Variants in AGPAT3 observed in about 807,000 individuals in gnomAD.
AGPAT3 encodes the protein 1-acylglycerol-3-phosphate O-acyltransferase 3.
Under a neutral mutation model 47.3 loss-of-function variants are expected in AGPAT3, and 5 were observed. That is an observed-to-expected ratio of 0.11 (90% CI 0.06 to 0.22). The LOEUF (loss-of-function observed/expected upper bound fraction) is 0.22, where lower values mean the gene tolerates loss of function less well. Among genes scored for constraint, AGPAT3 ranks in the 10% least tolerant of loss-of-function variants. The probability of loss-of-function intolerance (pLI) is 1.00; values close to 1 mark genes in which losing one functional copy is unlikely to be tolerated. For missense variants in AGPAT3, 315 were observed against 493.0 expected, an observed-to-expected ratio of 0.64 and a Z score of 3.42; for synonymous variants, 212 against 208.3, an observed-to-expected ratio of 1.02 and a Z score of -0.15.
chr21:43,907,866 A>G (rs2086540157), intron 2 of AGPAT3, among the ~76,000 whole-genome samples: 1 of 152,192 alleles, frequency 6.6e-6, no homozygotes, highest in South Asian at 2.1e-4. Context: ...AACCCAGCAG[A>G]CCGATACCAT....
At position 43,933,163 on chromosome 21, in the gene AGPAT3, A is replaced by G. The variant is rs2146296052; in HGVS notation, c.-48-26471A>G. Reference sequence around the variant, plus strand: ...ATTTGCTTCTCCCTGATGGTTAATAATGCCGAACAGCTCTTCGTTAACCTG... The same window carrying G: ...ATTTGCTTCTCCCTGATGGTTAATAGTGCCGAACAGCTCTTCGTTAACCTG... On this transcript the variant is annotated intron_variant, in intron 2 of 9. Coordinates refer to ENST00000291572, the MANE Select transcript of AGPAT3 (RefSeq NM_020132.5). The surrounding 1 kb of genome is among the most constrained non-coding windows in gnomAD (Gnocchi z 6.0). Among the ~76,000 whole-genome samples the G allele has an allele frequency of 6.6e-6, 1 of 152,300 alleles. No individual in the cohort carries two copies. The highest frequency in any genetic ancestry group is 2.1e-4 in the South Asian group (1 of 4,816).
At chr21:43,923,283 G>A (rs984964025) in intron 2 of AGPAT3, among the ~76,000 whole-genome samples, 3 of 152,188 alleles carry the variant, frequency 2.0e-5, no homozygotes, top group Admixed American at 1.3e-4. Flanking sequence ...TCATGCACTC[G>A]GGGACCGGGC....
At chr21:43,926,329 C>T (rs1412661657) in intron 2 of AGPAT3, among the ~76,000 whole-genome samples, 1 of 152,202 alleles carries the variant, frequency 6.6e-6, no homozygotes, top group Non-Finnish European at 1.5e-5. Flanking sequence ...CTCTGCCGTC[C>T]TTGGCTGAAC....
Position 43,922,925 on chromosome 21 carries a change from C to T in AGPAT3, c.-49+18906C>T, listed in dbSNP as rs2086936799. On this transcript the variant is annotated intron_variant, in intron 2 of 9. Coordinates refer to ENST00000291572, the MANE Select transcript of AGPAT3 (RefSeq NM_020132.5). The surrounding 1 kb of genome is among the most constrained non-coding windows in gnomAD (Gnocchi z 4.9). ...CTGGGCATGGGGCGCCTGTCCCCAG[C>T]GGGGCGGGCTCTGGGGTGCGAGCGT... 6.6e-6 allele frequency among the ~76,000 whole-genome samples: 1 copy of T among 152,202 alleles called. No individual in the cohort carries two copies. Among genetic ancestry groups the T allele is most frequent in the African/African-American group, 2.4e-5 (1 of 41,454 alleles).
At position 43,922,339 on chromosome 21, in the gene AGPAT3, C is replaced by A. The variant is rs1187025761; in HGVS notation, c.-49+18320C>A. On this transcript the variant is annotated intron_variant, in intron 2 of 9. Transcript: ENST00000291572. The surrounding 1 kb of genome is among the most constrained non-coding windows in gnomAD (Gnocchi z 4.9). ...AACAGGAAGCGTGGGGGGAAGCGTG[C>A]GTGCGAAGGAGTGCAGCCCCCAGGA... is the stretch of plus-strand genomic sequence containing the variant. Among the ~76,000 whole-genome samples the A allele has an allele frequency of 6.6e-6, 1 of 152,150 alleles. No individual in the cohort carries two copies. Among genetic ancestry groups the A allele is most frequent in the Non-Finnish European group, 1.5e-5 (1 of 68,022 alleles).
chr21:43,975,068 T>TATGTGCTGGCATGTTGC (rs946415801), intron 7 of AGPAT3, among the ~76,000 whole-genome samples: 18 of 152,066 alleles, frequency 1.2e-4, no homozygotes, highest in African/African-American at 4.1e-4. Flanking sequence ...ATGTGATGTG[T>TATGTGCTGGCATGTTGC]ATGTGCTGGC....
chr21:43,928,334 A>C (rs2087125650), intron 2 of AGPAT3, among the ~76,000 whole-genome samples: 2 of 152,210 alleles, frequency 1.3e-5, no homozygotes, highest in South Asian at 4.1e-4. Flanking sequence ...AGCGTTAAGG[A>C]ATATACACAC....
chr21:43,867,977 G>A (rs1196049560), intron 1 of AGPAT3, among the ~76,000 whole-genome samples: 1 of 152,206 alleles, frequency 6.6e-6, no homozygotes, highest in African/African-American at 2.4e-5. Flanking sequence ...ATAATTTCAA[G>A]ATTGATTCTA....
At chr21:43,887,711 G>A (rs866861916) in intron 1 of AGPAT3, among the ~76,000 whole-genome samples, 3 of 152,374 alleles carry the variant, frequency 2.0e-5, no homozygotes, top group South Asian at 4.1e-4. Context: ...CTGGAGTGTA[G>A]TGGCGTGATC....
At position 43,986,957 on chromosome 21, in the gene AGPAT3, G is replaced by A. The variant is rs2030361207; in HGVS notation, c.*4565G>A. ...AGGGCTGCTAACTTACACTTCAGAG[G>A]CCTGTGTCCCAAAGGCCTGGCTGCG... On this transcript the variant is annotated 3_prime_UTR_variant, in exon 10 of 10. Coordinates refer to ENST00000291572, the MANE Select transcript of AGPAT3 (RefSeq NM_020132.5). Among the ~76,000 whole-genome samples the A allele has an allele frequency of 6.6e-6, 1 of 152,208 alleles. No individual in the cohort carries two copies. The highest frequency in any genetic ancestry group is 1.9e-4 in the East Asian group (1 of 5,204).
Position 43,978,118 on chromosome 21 carries a change from G to C in AGPAT3, c.840G>C (p.Glu280Asp). ...AGTGGCTTCATAAACTGTACCAGGA[G>C]AAGGTAAGCAGGCTCTGCTCCCGCT... ...AAQWLHKLYQ[E>D]KDALQEIYNQ... The change falls in exon 8 of 10, where the codon GAG becomes GAC. Residue 280 changes from glutamate (E) to aspartate (D), a missense_variant. Coordinates refer to ENST00000291572, the MANE Select transcript of AGPAT3 (RefSeq NM_020132.5). 6.2e-7 allele frequency: 1 copy of C among 1,613,264 alleles called. No homozygotes were observed. Among genetic ancestry groups the C allele is most frequent in the Non-Finnish European group, 8.5e-7 (1 of 1,179,852 alleles).
chr21:43,927,413 A>ATT (rs2087093729), intron 2 of AGPAT3, among the ~76,000 whole-genome samples: 2 of 152,050 alleles, frequency 1.3e-5, no homozygotes, highest in Non-Finnish European at 2.9e-5. Flanking sequence ...CCAGGCTGTG[A>ATT]GGCTATCAGG....
chr21:43,981,224 G>A lies in AGPAT3; in HGVS notation c.1042+37G>A, dbSNP rs776982672. On this transcript the variant is annotated intron_variant, in intron 9 of 9. Transcript: ENST00000291572. The surrounding 1 kb of genome is among the most constrained non-coding windows in gnomAD (Gnocchi z 5.3). ...TGTCGCTAACAGCTCACACTCTGAC[G>A]GGCCTCACAGTATCAGCCACAGGGT... The A allele has an allele frequency of 6.9e-6, 11 of 1,604,982 alleles. No individual in the cohort carries two copies. The highest frequency in any genetic ancestry group is 5.0e-5 in the Admixed American group (3 of 59,912).
intron 2 of AGPAT3, among the ~76,000 whole-genome samples, chr21:43,940,039 C>A (rs1295068081): frequency 6.6e-6 from 1 of 152,198 alleles, no homozygotes. Flanking sequence ...ACAGTGCTGG[C>A]CACGCAGGTG....
chr21:43,905,022 C>G (rs2086454859), intron 2 of AGPAT3, among the ~76,000 whole-genome samples: 1 of 152,106 alleles, frequency 6.6e-6, no homozygotes, highest in African/African-American at 2.4e-5. Context: ...TGACCAACAC[C>G]AAGCTCGGGC....
chr21:43,972,587 C>T lies in AGPAT3; in HGVS notation c.767+1097C>T, dbSNP rs185071403. ...GGCTTGCTCTGCAGGGTACCAGCGG[C>T]TTTCCTTGGGGCAGTGTGTCTCTTT... On this transcript the variant is annotated intron_variant, in intron 7 of 9. Transcript: ENST00000291572. Among the ~76,000 whole-genome samples the T allele has an allele frequency of 1.2e-4, 19 of 152,284 alleles. No individual in the cohort carries two copies. In the East Asian group the frequency reaches 3.5e-3, roughly 28 times the overall value.
intron 2 of AGPAT3, among the ~76,000 whole-genome samples, chr21:43,921,673 G>A (rs969659108): frequency 1.3e-5 from 2 of 152,212 alleles, no homozygotes; most frequent in Non-Finnish European, 2.9e-5. Context: ...GCCCTGGAGC[G>A]CTTGTTAGTT....
chr21:43,969,242 G>T lies in AGPAT3; in HGVS notation c.473G>T (p.Gly158Val). The change falls in exon 5 of 10, where the codon GGG (glycine) becomes GTG (valine). Residue 158 changes from glycine to valine, a missense_variant. Physicochemically the swap from Gly to Val is moderately radical, Grantham distance 109. Transcript: ENST00000291572. The part of the protein sequence containing the change: ...WEEDRDTVVE[G>V]LRRLSDYPEY... The stretch of plus-strand genomic sequence containing the variant: ...GAGGACCGGGACACCGTGGTCGAAG[G>T]GCTGAGGCGCCTGTCGGACTACCCC... 6.2e-7 allele frequency: 1 copy of T among 1,614,224 alleles called. No individual in the cohort carries two copies. The highest frequency in any genetic ancestry group is 1.1e-5 in the South Asian group (1 of 91,090).
chr21:43,978,457 C>T (rs1159799330), intron 8 of AGPAT3, among the ~76,000 whole-genome samples: 1 of 152,164 alleles, frequency 6.6e-6, no homozygotes, highest in Non-Finnish European at 1.5e-5. Context: ...CGCAAGCCAC[C>T]ATATTCAGCT....
Sources: allele counts gnomAD v4.1 joint callset (sites outside exome capture counted in the v4.1 genomes callset), GRCh38; gene constraint gnomAD v4.1.1; non-coding constraint Gnocchi (gnomAD v3.1); transcripts MANE v1.5; gene names NCBI Gene and HGNC (gene_info 2026-07-23, HGNC 2026-07-21).